RBMS3: variants seen among roughly 807,000 people sequenced by gnomAD.
RBMS3 encodes the protein RNA binding motif single stranded interacting protein 3.
Under a neutral mutation model 66.8 loss-of-function variants are expected in RBMS3, and 27 were observed. The ratio of observed to expected loss-of-function variants is 0.40; its 90% CI spans 0.30 to 0.56. RBMS3 has a LOEUF of 0.56. Among genes scored for constraint, RBMS3 ranks in the 20% least tolerant of loss-of-function variants. The pLI is 0.40. For synonymous variants in RBMS3, 188 were observed against 183.0 expected (o/e 1.03, Z -0.22); for missense variants, 513 against 549.5 (o/e 0.93, Z 0.66).
intron 4 of RBMS3, among the ~76,000 whole-genome samples, chr3:29,606,322 A>G (rs1175643618): frequency 6.6e-6 from 1 of 151,924 alleles, no homozygotes. Context: ...ATGGATCACT[A>G]CTTGGCTTAC....
intron 12 of RBMS3, among the ~76,000 whole-genome samples, chr3:29,976,544 T>C (rs1468489598): frequency 6.6e-6 from 1 of 152,040 alleles, no homozygotes; most frequent in African/African-American, 2.4e-5. Flanking sequence ...GTAGAAAGAA[T>C]ATAGGAAGAA....
At chr3:29,997,649 C>T (rs977574337) in intron 14 of RBMS3, among the ~76,000 whole-genome samples, 3 of 151,730 alleles carry the variant, frequency 2.0e-5, no homozygotes, top group Non-Finnish European at 2.9e-5. Flanking sequence ...AGCATATAAA[C>T]AGAGCCAAAG....
chr3:29,448,381 A>C (rs1389335955), intron 2 of RBMS3, among the ~76,000 whole-genome samples: 1 of 152,144 alleles, frequency 6.6e-6, no homozygotes, highest in Non-Finnish European at 1.5e-5. Context: ...AATGCTTTTT[A>C]TGTCACAGTC....
rs559214569 is a variant in RBMS3 at position 29,391,073 on chromosome 3, T to C, written c.76-43670T>C. ...TGTGCTGAACAGCAAATCAACCTAA[T>C]TAAGACTGATGACACCAAGAGACTA... On this transcript the variant is annotated intron_variant, in intron 1 of 14. Transcript: ENST00000383767. The C allele has an allele frequency of 1.5e-5, 5 of 331,280 alleles. No homozygotes were observed. In the East Asian group the frequency reaches 2.6e-4, roughly 18 times the overall value. 20.5% of individuals were successfully genotyped at this position (331,280 alleles called of 1,614,324 possible).
At position 29,853,423 on chromosome 3, in the gene RBMS3, C is replaced by CTTTTTTTTTTTTTT. The variant is rs71091081; in HGVS notation, c.638-15426_638-15413dup. Among the ~76,000 whole-genome samples, 93 of 84,526 alleles carry CTTTTTTTTTTTTTT rather than the reference C, an allele frequency of 1.1e-3. 14 individuals carry two copies. Among genetic ancestry groups the CTTTTTTTTTTTTTT allele is most frequent in the African/African-American group, 4.7e-3 (87 of 18,406 alleles). The allele number at this position is 84,526 out of a possible 152,430, so 55.5% of individuals were successfully genotyped here. A position where few individuals can be genotyped will look rare whatever the true frequency, so the allele number is the denominator to read the frequency against. ...TGTATCTTAAGCTACAATTTACTTT[C>CTTTTTTTTTTTTTT]TTTTTTTTTTTTTTTTTTTTTTGCA... On this transcript the variant is annotated intron_variant, in intron 6 of 14. Coordinates refer to ENST00000383767, the MANE Select transcript of RBMS3 (RefSeq NM_001003793.3).
chr3:29,812,399 GC>G (rs1439284231), intron 6 of RBMS3, among the ~76,000 whole-genome samples: 2 of 152,104 alleles, frequency 1.3e-5, no homozygotes, highest in Non-Finnish European at 2.9e-5. Context: ...GTCATTGAGT[GC>G]TTTGATATGT....
At position 29,377,385 on chromosome 3, in the gene RBMS3, G is replaced by A. The variant is rs2038531859; in HGVS notation, c.76-57358G>A. 2.0e-5 allele frequency among the ~76,000 whole-genome samples: 3 copies of A among 152,136 alleles called. No individual in the cohort carries two copies. In the South Asian group the frequency reaches 6.2e-4, roughly 32 times the overall value. ...TTGGGATGTTTAGAGGTTCCCCAAT[G>A]ATAACTAATAAGAAGCCAAGGTTGA... On this transcript the variant is annotated intron_variant, in intron 1 of 14. Transcript: ENST00000383767.
intron 6 of RBMS3, among the ~76,000 whole-genome samples, chr3:29,773,688 A>G (rs1216394294): frequency 6.6e-6 from 1 of 152,076 alleles, no homozygotes; most frequent in African/African-American, 2.4e-5. Context: ...GACTGCCCTT[A>G]GGCTGCAGCA....
intron 4 of RBMS3, among the ~76,000 whole-genome samples, chr3:29,689,164 A>G (rs896998269): frequency 4.6e-5 from 7 of 151,948 alleles, no homozygotes; most frequent in African/African-American, 1.7e-4. Flanking sequence ...GAGCTTGTAT[A>G]TTTCATCAAA....
At chr3:29,681,683 C>T (rs114510950) in intron 4 of RBMS3, among the ~76,000 whole-genome samples, 11,879 of 152,202 alleles carry the variant, frequency 0.078, 829 homozygotes, top group African/African-American at 0.18. Context: ...AGGACATGAT[C>T]TTCTTCCTTT....
rs1048515090 is a variant in RBMS3, at chr3:29,781,922, G to A, written c.637+18933G>A. Among the ~76,000 whole-genome samples, 14 of 151,778 alleles carry A rather than the reference G, an allele frequency of 9.2e-5. No homozygotes were observed. In the East Asian group the frequency reaches 9.7e-4, roughly 11 times the overall value. The stretch of plus-strand genomic sequence containing the variant: ...CAGCATAGGCAGCCACAATCCCCCC[G>A]GGAATATAACTCCATAAGATTGGGA... On this transcript the variant is annotated intron_variant, in intron 6 of 14. Transcript: ENST00000383767.
chr3:29,714,684 A>G (rs771102780), intron 4 of RBMS3, among the ~76,000 whole-genome samples: 5 of 152,094 alleles, frequency 3.3e-5, no homozygotes, highest in Non-Finnish European at 4.4e-5. Context: ...CCCATTTAAC[A>G]TGTAAGGTAG....
intron 6 of RBMS3, among the ~76,000 whole-genome samples, chr3:29,864,957 GA>G (rs2059316044): frequency 1.0e-5 from 1 of 99,196 alleles, no homozygotes; most frequent in African/African-American, 4.1e-5. Context: ...GGGAAGGAAG[GA>G]AGAAAGGAAG....
At chr3:29,287,089 T>A (rs377495369) in intron 1 of RBMS3, among the ~76,000 whole-genome samples, 1 of 152,138 alleles carries the variant, frequency 6.6e-6, no homozygotes, top group Admixed American at 6.6e-5. Context: ...AATGTATTCA[T>A]GTGGTGTAAT....
intron 5 of RBMS3, among the ~76,000 whole-genome samples, chr3:29,754,080 C>A (rs562740184): frequency 6.6e-6 from 1 of 152,068 alleles, no homozygotes; most frequent in East Asian, 1.9e-4. Flanking sequence ...GCCTCAGCCT[C>A]CCGAGTAGCT....
chr3:29,864,674 C>A (rs1406701272), intron 6 of RBMS3, among the ~76,000 whole-genome samples: 1 of 152,066 alleles, frequency 6.6e-6, no homozygotes, highest in African/African-American at 2.4e-5. Flanking sequence ...CAGTAATAAT[C>A]TTTGCAGCAA....
rs1354750316 is a variant in RBMS3, at chr3:29,594,415, A to T, written c.399+7210A>T. On this transcript the variant is annotated intron_variant, in intron 4 of 14. Transcript: ENST00000383767. Reference sequence around the variant, plus strand: ...CCTCTACAGTTGTGGAATGCACTTTAAATAACTGTGATTCCAAAGAAAATC... The same window carrying T: ...CCTCTACAGTTGTGGAATGCACTTTTAATAACTGTGATTCCAAAGAAAATC... Among the ~76,000 whole-genome samples the T allele has an allele frequency of 7.2e-5, 11 of 152,280 alleles. No individual in the cohort carries two copies. In the East Asian group the frequency reaches 1.9e-3, roughly 27 times the overall value.
chr3:29,739,988 A>G, intron 5 of RBMS3, 111 bp downstream of exon 5: 1 of 937,328 alleles, frequency 1.1e-6, no homozygotes, highest in Non-Finnish European at 1.5e-6. Context: ...AAAAAAAAAA[A>G]AATTAAAAGT....
At chr3:29,775,198 C>A (rs2056381474) in intron 6 of RBMS3, among the ~76,000 whole-genome samples, 1 of 151,182 alleles carries the variant, frequency 6.6e-6, no homozygotes, top group South Asian at 2.1e-4. Flanking sequence ...TTTAATGGAG[C>A]AATTAAAAAA....
Sources: allele counts gnomAD v4.1 joint callset (sites outside exome capture counted in the v4.1 genomes callset), GRCh38; gene constraint gnomAD v4.1.1; transcripts MANE v1.5; gene names NCBI Gene and HGNC (gene_info 2026-07-23, HGNC 2026-07-21).